TNRC6B: variants seen among roughly 807,000 people sequenced by gnomAD.
TNRC6B encodes trinucleotide repeat containing adaptor 6B.
A neutral mutation model predicts 203.6 loss-of-function variants in TNRC6B; 52 were observed. The ratio of observed to expected loss-of-function variants is 0.26; its 90% CI spans 0.20 to 0.32. The LOEUF is 0.32. TNRC6B is among the 10% of genes least tolerant of loss of function. TNRC6B has a pLI of 1.00. For missense variants in TNRC6B, 1,923 were observed against 2,286.2 expected, an observed-to-expected ratio of 0.84 and a Z score of 3.24; for synonymous variants, 838 against 845.7, an observed-to-expected ratio of 0.99 and a Z score of 0.16.
intron 3 of TNRC6B, among the ~76,000 whole-genome samples, chr22:40,128,579 A>ACGGCTCACG (rs1568991485): frequency 2.6e-4 from 37 of 144,674 alleles, no homozygotes; most frequent in Non-Finnish European, 4.3e-4. Context: ...CACGGCTCAC[A>ACGGCTCACG]GCTCACAGCT....
chr22:40,314,916 A>C (rs1353834252), intron 19 of TNRC6B, among the ~76,000 whole-genome samples: 1 of 152,224 alleles, frequency 6.6e-6, no homozygotes, highest in Non-Finnish European at 1.5e-5. Context: ...AGAATACTTT[A>C]TTCTGCTAAT....
intron 1 of TNRC6B, among the ~76,000 whole-genome samples, chr22:40,239,433 C>T (rs987608416): frequency 3.3e-5 from 5 of 152,164 alleles, no homozygotes; most frequent in East Asian, 1.9e-4. Context: ...AAACAAGAGA[C>T]GGGGCAATAG....
chr22:40,307,326 T>C (rs1275181235), intron 15 of TNRC6B, among the ~76,000 whole-genome samples: 1 of 152,170 alleles, frequency 6.6e-6, no homozygotes, highest in Admixed American at 6.5e-5. Flanking sequence ...GTTGCACATC[T>C]TGGGGCAGAG....
intron 1 of TNRC6B, among the ~76,000 whole-genome samples, chr22:40,239,787 T>C (rs2070002534): frequency 6.6e-6 from 1 of 152,154 alleles, no homozygotes; most frequent in Non-Finnish European, 1.5e-5. Context: ...GCAGTCTTGT[T>C]ATGCCTCAGC....
intron 1 of TNRC6B, among the ~76,000 whole-genome samples, chr22:40,102,529 A>G (rs568113986): frequency 3.9e-5 from 6 of 152,256 alleles, no homozygotes; most frequent in Non-Finnish European, 7.3e-5. Context: ...TGTGAGAATC[A>G]TAGCTAGTTA....
At chr22:40,222,365 A>C (rs2069722119) in intron 1 of TNRC6B, among the ~76,000 whole-genome samples, 1 of 152,204 alleles carries the variant, frequency 6.6e-6, no homozygotes, top group African/African-American at 2.4e-5. Context: ...TGAAGGCCTT[A>C]CTAGGACCAG....
intron 3 of TNRC6B, among the ~76,000 whole-genome samples, chr22:40,260,974 T>C (rs1336606325): frequency 6.6e-6 from 1 of 152,160 alleles, no homozygotes; most frequent in Non-Finnish European, 1.5e-5. Flanking sequence ...CATGTAAGCT[T>C]TCTTACAAAT....
intron 1 of TNRC6B, among the ~76,000 whole-genome samples, chr22:40,210,875 T>C (rs1157753975): frequency 6.6e-6 from 1 of 152,158 alleles, no homozygotes; most frequent in Non-Finnish European, 1.5e-5. Flanking sequence ...ATCCAGTGCC[T>C]TGTAAGGTGT....
At chr22:40,126,984 A>G (rs868009474) in intron 3 of TNRC6B, among the ~76,000 whole-genome samples, 32 of 150,498 alleles carry the variant, frequency 2.1e-4, no homozygotes, top group African/African-American at 7.3e-4. Context: ...GAGTGTTATC[A>G]TCATCAAATC....
Position 40,332,466 on chromosome 22 carries a change from C to CATAGCA in TNRC6B, c.*9225_*9226insATAGCA, listed in dbSNP as rs2043992707. 6.6e-6 allele frequency: 1 copy of CATAGCA among 152,602 alleles called. No individual in the cohort carries two copies. Among genetic ancestry groups the CATAGCA allele is most frequent in the Admixed American group, 6.5e-5 (1 of 15,274 alleles). The allele number at this position is 152,602 out of a possible 1,614,324, so 9.5% of individuals were successfully genotyped here. On this transcript the variant is annotated 3_prime_UTR_variant, in exon 23 of 23. Coordinates refer to ENST00000454349, the MANE Select transcript of TNRC6B (RefSeq NM_001162501.2). The stretch of plus-strand genomic sequence containing the variant: ...ATCATAGCGCCTGCATTGCTCTGGT[C>CATAGCA]TAGGCATTATTTGCAACACACAGTA...
chr22:40,273,306 A>T (rs2070590415), intron 6 of TNRC6B, 119 bp from the exon 7 acceptor site: 1 of 917,242 alleles, frequency 1.1e-6, no homozygotes, highest in Admixed American at 3.3e-5. Flanking sequence ...TTGTCTTGCC[A>T]TGGAGATGGA....
intron 12 of TNRC6B, among the ~76,000 whole-genome samples, chr22:40,296,326 ATTTTTT>A (rs951987835): frequency 8.0e-6 from 1 of 125,462 alleles, no homozygotes; most frequent in Non-Finnish European, 1.7e-5. Context: ...AGAATGGTGA[ATTTTTT>A]TTTTTTTTTT....
chr22:40,281,576 C>G (rs1257274356), intron 11 of TNRC6B, among the ~76,000 whole-genome samples: 3 of 151,838 alleles, frequency 2.0e-5, no homozygotes, highest in Non-Finnish European at 4.4e-5. Flanking sequence ...GTTAAAGAGG[C>G]TACGTAAGTA....
At chr22:40,311,583 C>A (rs1054222479) in intron 17 of TNRC6B, among the ~76,000 whole-genome samples, 59 of 151,190 alleles carry the variant, frequency 3.9e-4, no homozygotes, top group Non-Finnish European at 5.2e-4. Context: ...CTCTTATTAC[C>A]CAGGCTGGAG....
intron 3 of TNRC6B, chr22:40,156,102 C>T (rs754719224): frequency 1.4e-5 from 22 of 1,569,950 alleles, no homozygotes; most frequent in Non-Finnish European, 1.8e-5. Context: ...ACCTGTGGTG[C>T]TTGCCTTTGC....
chr22:40,079,717 C>G (rs967898452), intron 1 of TNRC6B, among the ~76,000 whole-genome samples: 2 of 152,044 alleles, frequency 1.3e-5, no homozygotes, highest in African/African-American at 4.8e-5. Context: ...CTCTTGGACT[C>G]AGGAGATCCT....
In TNRC6B at chr22:40,323,396, CTG is replaced by C; in HGVS notation, c.*156_*157del. ...AAAAGGTGGGTCATTGACAGACTGTCTGAGCACATAGTTGCCTCCCTTATAAC... is the reference window on the plus strand; with the variant it reads ...AAAAGGTGGGTCATTGACAGACTGTCAGCACATAGTTGCCTCCCTTATAAC... On this transcript the variant is annotated 3_prime_UTR_variant, in exon 23 of 23. Transcript: ENST00000454349. 1.1e-6 allele frequency: 1 copy of C among 923,236 alleles called. No homozygotes were observed. The allele number at this position is 923,236 out of a possible 1,614,324, so 57.2% of individuals were successfully genotyped here. A position where few individuals can be genotyped will look rare whatever the true frequency, so the allele number is the denominator to read the frequency against.
chr22:40,163,126 C>T (rs1277123632), intron 4 of TNRC6B, among the ~76,000 whole-genome samples: 1 of 151,880 alleles, frequency 6.6e-6, no homozygotes, highest in Non-Finnish European at 1.5e-5. Context: ...GTAAGAGTAA[C>T]TTCAAGGTCG....
chr22:40,151,816 C>T (rs1339602490), intron 3 of TNRC6B, among the ~76,000 whole-genome samples: 2 of 150,760 alleles, frequency 1.3e-5, no homozygotes, highest in African/African-American at 2.4e-5. Flanking sequence ...GAAAATCAAT[C>T]TCAGAGATTC....
Sources: gnomAD v4.1 joint callset for allele counts (sites outside exome capture counted in the v4.1 genomes callset) on GRCh38, gnomAD v4.1.1 for gene constraint, MANE v1.5 for transcripts, NCBI Gene and HGNC (gene_info 2026-07-23, HGNC 2026-07-21) for gene names.